The following PTCH1 variants were observed in gnomAD, a reference collection of about 807,000 sequenced individuals.
PTCH1 encodes the protein patched 1, also known as protein patched homolog 1.
A neutral mutation model predicts 144.6 loss-of-function variants in PTCH1; 14 were observed. The observed-to-expected ratio is 0.10, with a 90% CI of 0.06 to 0.15. The LOEUF (loss-of-function observed/expected upper bound fraction) is 0.15, where lower values mean the gene tolerates loss of function less well. Among genes scored for constraint, PTCH1 ranks in the 10% least tolerant of loss-of-function variants. PTCH1 has a pLI of 1.00. For synonymous variants in PTCH1, 833 were observed against 793.6 expected (o/e 1.05, Z -0.83); for missense variants, 1,623 against 1,948.3 (o/e 0.83, Z 3.14).
chr9:95,500,485 G>C (rs1843077434), intron 2 of PTCH1, among the ~76,000 whole-genome samples: 1 of 152,306 alleles, frequency 6.6e-6, no homozygotes, highest in East Asian at 1.9e-4. Flanking sequence ...CATGTATGGG[G>C]GTCCAGGGAG....
rs750815744 is a variant in PTCH1 at position 95,447,479 on chromosome 9, G to T, written c.3805-28C>A. ...GCAGAGGGTGAGGGTGGGTTAGAAG[G>T]GTGGTATCCCAGGCTGGGCATGGTC... On this transcript the variant is annotated intron_variant, in intron 22 of 23. Coordinates refer to ENST00000331920, the MANE Select transcript of PTCH1 (RefSeq NM_000264.5). 2.4e-5 allele frequency: 37 copies of T among 1,525,098 alleles called. No individual in the cohort carries two copies. The African/African-American group carries it at 3.7e-4, about 15-fold the overall frequency. 94.5% of individuals were successfully genotyped at this position (1,525,098 alleles called of 1,614,324 possible).
At chr9:95,479,705 T>A (rs903806190) in intron 7 of PTCH1, among the ~76,000 whole-genome samples, 3 of 152,252 alleles carry the variant, frequency 2.0e-5, no homozygotes, top group Non-Finnish European at 4.4e-5. Context: ...CTCTACCTAA[T>A]GGGCAGATCT....
upstream of PTCH1, among the ~76,000 whole-genome samples, chr9:95,510,830 C>T (rs1844112322): frequency 6.6e-6 from 1 of 151,382 alleles, no homozygotes; most frequent in Non-Finnish European, 1.5e-5. Context: ...GGCCACGTGA[C>T]CCCGCGCCAG....
chr9:95,475,996 G>A (rs377483997), intron 12 of PTCH1, 38 bp downstream of exon 12: 14 of 1,612,066 alleles, frequency 8.7e-6, no homozygotes, highest in Admixed American at 3.3e-5. Context: ...TCAGTGCCCC[G>A]TTCAGGATCA....
At chr9:95,478,517 C>T (rs756511537) in intron 8 of PTCH1, among the ~76,000 whole-genome samples, 17 of 152,172 alleles carry the variant, frequency 1.1e-4, no homozygotes, top group African/African-American at 1.9e-4. Context: ...GCGGTCCCAT[C>T]GGCTCCCCAC....
At position 95,508,641 on chromosome 9, in the gene PTCH1, G is replaced by A; in HGVS notation, c.-280C>T. The A allele has an allele frequency of 2.0e-6, 2 of 989,392 alleles. No individual in the cohort carries two copies. Among genetic ancestry groups the A allele is most frequent in the Non-Finnish European group, 2.4e-6 (2 of 832,890 alleles). The allele number at this position is 989,392 out of a possible 1,614,324, so 61.3% of individuals were successfully genotyped here. A position where few individuals can be genotyped will look rare whatever the true frequency, so the allele number is the denominator to read the frequency against. ...CGGGGGTCCCGAGGTCTCTGCGGCC[G>A]CCGCTGCCCACATCCAGTTCGCGGA... On this transcript the variant is annotated 5_prime_UTR_variant, in exon 1 of 24. Coordinates refer to ENST00000331920, the MANE Select transcript of PTCH1 (RefSeq NM_000264.5).
intron 15 of PTCH1, among the ~76,000 whole-genome samples, chr9:95,465,958 G>T (rs995641393): frequency 1.3e-5 from 2 of 152,194 alleles, no homozygotes; most frequent in Non-Finnish European, 2.9e-5. Flanking sequence ...AGTCGGTCAG[G>T]AGAAAATTTA....
intron 1 of PTCH1, among the ~76,000 whole-genome samples, chr9:95,515,223 GCACA>G (rs1030384803): frequency 2.6e-5 from 4 of 152,142 alleles, no homozygotes; most frequent in Admixed American, 2.0e-4. Flanking sequence ...TAAAAGAAAT[GCACA>G]CACACAGAAT....
At chr9:95,499,423 A>G in intron 2 of PTCH1, among the ~76,000 whole-genome samples, 1 of 150,492 alleles carries the variant, frequency 6.6e-6, no homozygotes, top group Non-Finnish European at 1.5e-5. Flanking sequence ...CAGAGTTCAC[A>G]CTAGTAACTG....
In PTCH1 at chr9:95,450,190, T is replaced by C. The variant is rs190224982; in HGVS notation, c.3450-250A>G. ...GTTCATGAAGGGAAGAAAAAAAAAA[T>C]TAGTTTGTTAATTTGCTGAACTCTG... On this transcript the variant is annotated intron_variant, in intron 20 of 23. Coordinates refer to ENST00000331920, the MANE Select transcript of PTCH1 (RefSeq NM_000264.5). 588 of 518,728 alleles carry C rather than the reference T, an allele frequency of 1.1e-3. 3 individuals carry two copies. The highest frequency in any genetic ancestry group is 3.8e-3 in the Middle Eastern group (7 of 1,838). 32.1% of individuals were successfully genotyped at this position (518,728 alleles called of 1,614,324 possible). A position where few individuals can be genotyped will look rare whatever the true frequency, so the allele number is the denominator to read the frequency against.
intron 19 of PTCH1, among the ~76,000 whole-genome samples, chr9:95,455,065 C>T (rs1838797473): frequency 6.6e-6 from 1 of 152,180 alleles, no homozygotes; most frequent in South Asian, 2.1e-4. Flanking sequence ...TCTAGGCTGG[C>T]ACTCTTCTTT....
intron 13 of PTCH1, 113 bp downstream of exon 13, chr9:95,469,700 C>A: frequency 9.2e-7 from 1 of 1,088,180 alleles, no homozygotes; most frequent in Non-Finnish European, 1.4e-6. Flanking sequence ...ACGTTCTCCA[C>A]ACCAGCACAA....
At chr9:95,460,691 C>A (rs1839381046) in intron 16 of PTCH1, among the ~76,000 whole-genome samples, 1 of 152,176 alleles carries the variant, frequency 6.6e-6, no homozygotes, top group Admixed American at 6.5e-5. Flanking sequence ...TCAACACATC[C>A]CTGGAATCAA....
intron 12 of PTCH1, among the ~76,000 whole-genome samples, chr9:95,473,543 T>A (rs1184242754): frequency 4.7e-5 from 3 of 64,476 alleles, no homozygotes; most frequent in African/African-American, 1.4e-4. Context: ...TTCTATCCTA[T>A]TTTTTTTTTT....
chr9:95,463,106 G>C (rs1839674411), intron 15 of PTCH1, among the ~76,000 whole-genome samples: 1 of 151,928 alleles, frequency 6.6e-6, no homozygotes, highest in African/African-American at 2.4e-5. Context: ...GTTGGACACG[G>C]CTAGTAAGAA....
exon 1 of PTCH1, chr9:95,516,913 A>C: frequency 1.1e-5 from 11 of 1,038,108 alleles, no homozygotes; most frequent in African/African-American, 1.6e-5. Context: ...CAATAAACTC[A>C]AGGAAAGCAA....
At position 95,449,989 on chromosome 9, in the gene PTCH1, G is replaced by A. The variant is rs1423678932; in HGVS notation, c.3450-49C>T. 10 of 1,535,640 alleles carry A rather than the reference G, an allele frequency of 6.5e-6. No individual in the cohort carries two copies. In the East Asian group the frequency reaches 6.8e-5, roughly 10 times the overall value. On this transcript the variant is annotated intron_variant, in intron 20 of 23. Coordinates refer to ENST00000331920, the MANE Select transcript of PTCH1 (RefSeq NM_000264.5). The surrounding 1 kb of genome is among the most constrained non-coding windows in gnomAD (Gnocchi z 5.3). Reference sequence around the variant, plus strand: ...AACACGCGCTGTGACAGGGTGGATCGCGCCACCCTCCGTGTGCCCGACACA... The same window carrying A: ...AACACGCGCTGTGACAGGGTGGATCACGCCACCCTCCGTGTGCCCGACACA...
At position 95,458,090 on chromosome 9, in the gene PTCH1, A is replaced by C. The variant is rs1255292994; in HGVS notation, c.3091T>G (p.Phe1031Val). ...GTGCAGGCCAACACCACGCTGATGA[A>C]CAGCAGCAGCCAGTGGCGGAGGCCG... ...YIGLRHWLLLFISVVLACTFL... is the reference protein window; with the variant it reads ...YIGLRHWLLLVISVVLACTFL... The change falls in exon 18 of 24, where the codon TTC becomes GTC. Residue 1031 changes from phenylalanine (F) to valine (V), a missense_variant. Transcript: ENST00000331920. The surrounding 1 kb of genome is among the most constrained non-coding windows in gnomAD (Gnocchi z 4.7). The C allele has an allele frequency of 6.2e-7, 1 of 1,614,102 alleles. No homozygotes were observed. The highest frequency in any genetic ancestry group is 1.3e-5 in the African/African-American group (1 of 74,938).
chr9:95,494,168 G>A lies in PTCH1; in HGVS notation c.395-8294C>T, dbSNP rs1842638881. The A allele has an allele frequency of 6.1e-6, 6 of 980,798 alleles. No homozygotes were observed. The South Asian group carries it at 1.4e-4, about 23-fold the overall frequency. 60.8% of individuals were successfully genotyped at this position (980,798 alleles called of 1,614,324 possible). ...GTTCTGCAACGCGCATGCGCCGGAA[G>A]CAAGCTTCCCCGCCCCCACCAGCTG... is the stretch of plus-strand genomic sequence containing the variant. On this transcript the variant is annotated intron_variant, in intron 2 of 23. Coordinates refer to ENST00000331920, the MANE Select transcript of PTCH1 (RefSeq NM_000264.5).
Sources: gnomAD v4.1 joint callset for allele counts (sites outside exome capture counted in the v4.1 genomes callset) on GRCh38, gnomAD v4.1.1 for gene constraint, Gnocchi (gnomAD v3.1) non-coding constraint, MANE v1.5 for transcripts, NCBI Gene and HGNC (gene_info 2026-07-23, HGNC 2026-07-21) for gene names.